The following TMCO1 variants were observed in gnomAD, a reference collection of about 807,000 sequenced individuals.
The protein encoded by TMCO1 is calcium load-activated calcium channel.
A neutral mutation model predicts 29.3 loss-of-function variants in TMCO1; 29 were observed. That is an observed-to-expected ratio of 0.99 (90% CI 0.74 to 1.35). The LOEUF is 1.35. TMCO1 is among the 40% of genes most tolerant of loss of function. The pLI is 0.00. For synonymous variants in TMCO1, 80 were observed against 77.1 expected (o/e 1.04, Z -0.20); for missense variants, 173 against 225.5 (o/e 0.77, Z 1.49).
intron 3 of TMCO1, among the ~76,000 whole-genome samples, chr1:165,757,121 C>T (rs1021067229): frequency 7.9e-5 from 12 of 152,160 alleles, no homozygotes; most frequent in African/African-American, 2.9e-4. Flanking sequence ...AAATCAATTA[C>T]TTATGAGAAC....
In TMCO1 at chr1:165,768,669, T is replaced by C. The variant is rs1294047358; in HGVS notation, c.70+13A>G. On this transcript the variant is annotated intron_variant, in intron 1 of 6. Coordinates refer to ENST00000367881, the MANE Select transcript of TMCO1 (RefSeq NM_019026.6). ...GGGGACTGATCAAACGTCTGAGAAA[T>C]ACCCGCTCTCACCCTCTGCGAGCAG... is the stretch of plus-strand genomic sequence containing the variant. The C allele has an allele frequency of 1.2e-6, 2 of 1,613,790 alleles. No homozygotes were observed. Among genetic ancestry groups the C allele is most frequent in the African/African-American group, 2.7e-5 (2 of 74,842 alleles).
chr1:165,754,096 A>G, intron 4 of TMCO1, 132 bp downstream of exon 4: 1 of 739,750 alleles, frequency 1.4e-6, no homozygotes, highest in South Asian at 1.6e-5. Flanking sequence ...GTCCAGGAAC[A>G]CCCATGATAT....
intron 2 of TMCO1, among the ~76,000 whole-genome samples, chr1:165,765,955 C>T (rs1400724606): frequency 6.6e-6 from 1 of 152,162 alleles, no homozygotes; most frequent in Non-Finnish European, 1.5e-5. Flanking sequence ...GAAACTACTG[C>T]AATAATCCAT....
At chr1:165,730,793 C>T (rs536678611) in intron 6 of TMCO1, among the ~76,000 whole-genome samples, 16 of 151,988 alleles carry the variant, frequency 1.1e-4, no homozygotes, top group Admixed American at 1.3e-4. Flanking sequence ...GGGGTTTTGC[C>T]ATGTTGGCCA....
At chr1:165,735,090 C>G (rs2101790841) in intron 6 of TMCO1, among the ~76,000 whole-genome samples, 1 of 152,250 alleles carries the variant, frequency 6.6e-6, no homozygotes, top group East Asian at 1.9e-4. Flanking sequence ...CAAAGGCCCT[C>G]TTTGTAATAA....
At chr1:165,731,534 A>G (rs1651160007) in intron 6 of TMCO1, among the ~76,000 whole-genome samples, 1 of 152,252 alleles carries the variant, frequency 6.6e-6, no homozygotes, top group South Asian at 2.1e-4. Flanking sequence ...CATTTTAGAG[A>G]TTAAAAACCA....
chr1:165,725,647 A>G (rs1205555417), downstream of TMCO1: 1 of 454,084 alleles, frequency 2.2e-6, no homozygotes, highest in South Asian at 1.6e-5. Context: ...TTGAAATGTC[A>G]TCTCCAATGA....
intron 5 of TMCO1, among the ~76,000 whole-genome samples, chr1:165,751,336 G>A (rs1651985600): frequency 6.6e-6 from 1 of 152,054 alleles, no homozygotes; most frequent in African/African-American, 2.4e-5. Flanking sequence ...TAATGCCTAC[G>A]CCTTATGTCT....
chr1:165,754,490 G>A (rs986344800), intron 3 of TMCO1, among the ~76,000 whole-genome samples: 3 of 151,976 alleles, frequency 2.0e-5, no homozygotes, highest in Non-Finnish European at 2.9e-5. Context: ...AATCTTTAGT[G>A]TTTTTTTGAA....
downstream of TMCO1, chr1:165,725,829 T>G (rs1477811134): frequency 2.1e-6 from 1 of 477,162 alleles, no homozygotes; most frequent in East Asian, 6.1e-5. Flanking sequence ...GTTATTGTGC[T>G]TTTAAGAATA....
downstream of TMCO1, chr1:165,726,789 T>C (rs1650909875): frequency 2.2e-6 from 1 of 453,458 alleles, no homozygotes; most frequent in Non-Finnish European, 4.4e-6. Context: ...AATTCAACTC[T>C]CTTAGTTTTG....
intron 4 of TMCO1, among the ~76,000 whole-genome samples, chr1:165,752,554 C>T (rs1181722214): frequency 2.0e-5 from 3 of 151,868 alleles, no homozygotes; most frequent in Non-Finnish European, 4.4e-5. Context: ...TGCGCCCAGC[C>T]TCACGTCATT....
intron 2 of TMCO1, among the ~76,000 whole-genome samples, chr1:165,760,050 T>A (rs770902609): frequency 6.6e-5 from 10 of 152,076 alleles, no homozygotes; most frequent in Non-Finnish European, 1.5e-4. Context: ...AATAATCTAG[T>A]CAGGGGAAAT....
At chr1:165,736,728 A>AAC (rs1553249177) in intron 6 of TMCO1, among the ~76,000 whole-genome samples, 1 of 141,066 alleles carries the variant, frequency 7.1e-6, no homozygotes, top group South Asian at 2.5e-4. Flanking sequence ...CTCAAAAAAA[A>AAC]AAAAAACAAA....
intron 6 of TMCO1, among the ~76,000 whole-genome samples, chr1:165,733,595 CA>C (rs369234521): frequency 6.9e-6 from 1 of 144,724 alleles, no homozygotes; most frequent in Non-Finnish European, 1.5e-5. Context: ...GACTCCATCT[CA>C]AAAAAAACAA....
chr1:165,750,711 T>C (rs749000610), intron 5 of TMCO1, among the ~76,000 whole-genome samples: 1 of 152,176 alleles, frequency 6.6e-6, no homozygotes, highest in Non-Finnish European at 1.5e-5. Flanking sequence ...ACCATTCTTC[T>C]GTATTAAAGT....
rs544818524 is a variant in TMCO1, at chr1:165,731,357, A to G, written c.469-3236T>C. 5.7e-4 allele frequency among the ~76,000 whole-genome samples: 87 copies of G among 152,352 alleles called. 1 individual carries two copies. In the South Asian group the frequency reaches 0.018, roughly 31 times the overall value. On this transcript the variant is annotated intron_variant, in intron 6 of 6. Coordinates refer to ENST00000367881, the MANE Select transcript of TMCO1 (RefSeq NM_019026.6). ...CAATGTATTTAGCACTAAGCTAGGC[A>G]TTAAGGGAAATTGCTTTAAAGATAA...
At chr1:165,752,259 T>C in intron 4 of TMCO1, 90 bp from the exon 5 acceptor site, 1 of 987,748 alleles carries the variant, frequency 1.0e-6, no homozygotes, top group Non-Finnish European at 1.5e-6. Flanking sequence ...GTCATTTTTT[T>C]TTTTTTTTTT....
downstream of TMCO1, chr1:165,724,611 T>C (rs1422142506): frequency 2.2e-6 from 1 of 454,076 alleles, no homozygotes; most frequent in Non-Finnish European, 4.4e-6. Flanking sequence ...GTTTGTGTTC[T>C]AACAAGGCTC....
Sources: allele counts gnomAD v4.1 joint callset (sites outside exome capture counted in the v4.1 genomes callset), GRCh38; gene constraint gnomAD v4.1.1; transcripts MANE v1.5; gene names NCBI Gene and HGNC (gene_info 2026-07-23, HGNC 2026-07-21).